The following TNIK variants were observed in gnomAD, a reference collection of about 807,000 sequenced individuals.
TNIK encodes TRAF2 and NCK interacting kinase.
A neutral mutation model predicts 191.3 loss-of-function variants in TNIK; 49 were observed. That is an observed-to-expected ratio of 0.26 (90% CI 0.20 to 0.32). TNIK has a LOEUF of 0.32. Among genes scored for constraint, TNIK ranks in the 10% least tolerant of loss-of-function variants. The pLI is 1.00. For missense variants in TNIK, 1,155 were observed against 1,702.3 expected, an observed-to-expected ratio of 0.68 and a Z score of 5.66; for synonymous variants, 594 against 600.9, an observed-to-expected ratio of 0.99 and a Z score of 0.17.
chr3:171,356,215 G>A (rs763816108), intron 2 of TNIK, among the ~76,000 whole-genome samples: 6 of 151,970 alleles, frequency 3.9e-5, no homozygotes, highest in Non-Finnish European at 8.8e-5. Context: ...CCTGGCTATT[G>A]GAGCTGATTT....
chr3:171,351,283 G>GTGTGTGTGTGTGTGTGTGTGTC (rs1445263893), intron 2 of TNIK, among the ~76,000 whole-genome samples: 22 of 108,892 alleles, frequency 2.0e-4, no homozygotes, highest in Admixed American at 1.9e-3. Context: ...GTGTGTGTGT[G>GTGTGTGTGTGTGTGTGTGTGTC]TGTGTATGAA....
At chr3:171,317,514 C>T (rs1459218806) in intron 2 of TNIK, among the ~76,000 whole-genome samples, 1 of 152,118 alleles carries the variant, frequency 6.6e-6, no homozygotes, top group Non-Finnish European at 1.5e-5. Context: ...AGTATTCAGT[C>T]ACTCATCTGT....
intron 1 of TNIK, among the ~76,000 whole-genome samples, chr3:171,378,932 AG>A (rs1286275792): frequency 6.6e-6 from 1 of 152,200 alleles, no homozygotes; most frequent in African/African-American, 2.4e-5. Context: ...TTCACCCTTT[AG>A]TAAACCGATG....
intron 2 of TNIK, among the ~76,000 whole-genome samples, chr3:171,264,280 T>C (rs950258561): frequency 6.6e-6 from 1 of 151,800 alleles, no homozygotes; most frequent in African/African-American, 2.4e-5. Context: ...AAGAATTGTA[T>C]GTTTTATACA....
chr3:171,065,343 C>T (rs779656937), intron 32 of TNIK, among the ~76,000 whole-genome samples: 15 of 152,222 alleles, frequency 9.9e-5, no homozygotes, highest in Non-Finnish European at 2.2e-4. Context: ...AGGCCCACAT[C>T]ACCAGGTTTG....
rs187643993 is a variant in TNIK at position 171,179,552 on chromosome 3, C to T, written c.640-2172G>A. Among the ~76,000 whole-genome samples the T allele has an allele frequency of 1.2e-3, 187 of 152,090 alleles. 1 individual carries two copies. The highest frequency in any genetic ancestry group is 4.1e-3 in the African/African-American group (169 of 41,506). On this transcript the variant is annotated intron_variant, in intron 7 of 32. Transcript: ENST00000436636. ...CTGCAAGCTCCGCCTCCTGGGTTCACGCCATTCTCCTGCCTCAGCCTCCCG... is the reference window on the plus strand; with the variant it reads ...CTGCAAGCTCCGCCTCCTGGGTTCATGCCATTCTCCTGCCTCAGCCTCCCG...
At chr3:171,131,888 C>A (rs774415107) in intron 15 of TNIK, among the ~76,000 whole-genome samples, 9 of 152,156 alleles carry the variant, frequency 5.9e-5, no homozygotes, top group Non-Finnish European at 7.4e-5. Context: ...TATTTTCATA[C>A]TAGACAAAGG....
At chr3:171,395,786 C>G (rs1270822547) in intron 1 of TNIK, among the ~76,000 whole-genome samples, 1 of 152,130 alleles carries the variant, frequency 6.6e-6, no homozygotes, top group Non-Finnish European at 1.5e-5. Context: ...GTACCCACCA[C>G]CCTGCTTAGG....
At chr3:171,274,319 C>T (rs567695137) in intron 2 of TNIK, among the ~76,000 whole-genome samples, 2 of 152,246 alleles carry the variant, frequency 1.3e-5, no homozygotes, top group South Asian at 4.1e-4. Context: ...TATCAAAATA[C>T]AATTTATTGT....
In TNIK at chr3:171,173,395, CAA is replaced by C. The variant is rs57114753; in HGVS notation, c.773+1855_773+1856del. Among the ~76,000 whole-genome samples, 1,195 of 120,670 alleles carry C rather than the reference CAA, an allele frequency of 9.9e-3. 16 individuals carry two copies. The highest frequency in any genetic ancestry group is 0.03 in the African/African-American group (979 of 32,166). 79.2% of individuals were successfully genotyped at this position (120,670 alleles called of 152,430 possible). On this transcript the variant is annotated intron_variant, in intron 9 of 32. Transcript: ENST00000436636. ...TGGGCGACAGAGCGAGACTCCGTCT[CAA>C]AAAAAAAAAAAAAGAAAAGAAAAGA...
At chr3:171,416,821 T>G (rs115997368) in intron 1 of TNIK, among the ~76,000 whole-genome samples, 5 of 152,328 alleles carry the variant, frequency 3.3e-5, no homozygotes, top group African/African-American at 4.8e-5. Flanking sequence ...CCTTTACGCT[T>G]CTATTATTCT....
At chr3:171,367,472 TTGG>T (rs869209007) in intron 2 of TNIK, among the ~76,000 whole-genome samples, 7 of 35,932 alleles carry the variant, frequency 1.9e-4, no homozygotes, top group East Asian at 9.2e-4. Context: ...TAGCATTTTT[TTGG>T]GGGGGGGGGG....
chr3:171,340,126 A>G (rs1403102771), intron 2 of TNIK, among the ~76,000 whole-genome samples: 1 of 152,230 alleles, frequency 6.6e-6, no homozygotes, highest in Non-Finnish European at 1.5e-5. Context: ...CATGAAAAAA[A>G]TGCTAATATT....
At chr3:171,400,161 C>T (rs187252590) in intron 1 of TNIK, among the ~76,000 whole-genome samples, 1 of 152,268 alleles carries the variant, frequency 6.6e-6, no homozygotes, top group East Asian at 1.9e-4. Flanking sequence ...GTTCCCTTGC[C>T]ATCTAGGACA....
chr3:171,077,964 A>C (rs1720201921), intron 28 of TNIK, among the ~76,000 whole-genome samples: 1 of 152,036 alleles, frequency 6.6e-6, no homozygotes, highest in Non-Finnish European at 1.5e-5. Flanking sequence ...TTCTGTTGGG[A>C]ATTTGGAAGG....
chr3:171,230,351 C>T (rs1280912632), intron 2 of TNIK, among the ~76,000 whole-genome samples: 2 of 152,186 alleles, frequency 1.3e-5, no homozygotes, highest in African/African-American at 4.8e-5. Flanking sequence ...GGCTGTTCAT[C>T]TGCTAAAACA....
intron 3 of TNIK, among the ~76,000 whole-genome samples, chr3:171,213,607 G>A (rs1459712586): frequency 6.6e-6 from 1 of 152,048 alleles, no homozygotes; most frequent in African/African-American, 2.4e-5. Context: ...ACAACAGAAG[G>A]CACTATGTAA....
intron 1 of TNIK, 87 bp downstream of exon 1, chr3:171,459,914 CCCCCTG>C: frequency 7.4e-5 from 78 of 1,054,230 alleles, no homozygotes; most frequent in Non-Finnish European, 9.6e-5. Context: ...CCGCTGCTGT[CCCCCTG>C]CCCCAGCCCC....
intron 1 of TNIK, among the ~76,000 whole-genome samples, chr3:171,428,092 C>T (rs151155762): frequency 1.1e-3 from 169 of 152,016 alleles, no homozygotes; most frequent in Middle Eastern, 3.4e-3. Flanking sequence ...AGAGGGGGAC[C>T]CTGGTGGATT....
Sources: allele counts gnomAD v4.1 joint callset (sites outside exome capture counted in the v4.1 genomes callset), GRCh38; gene constraint gnomAD v4.1.1; transcripts MANE v1.5; gene names NCBI Gene and HGNC (gene_info 2026-07-23, HGNC 2026-07-21).